GABRG3: variants seen among roughly 807,000 people sequenced by gnomAD.
GABRG3 encodes gamma-aminobutyric acid type A receptor subunit gamma3.
A neutral mutation model predicts 48.8 loss-of-function variants in GABRG3; 25 were observed. The observed-to-expected ratio is 0.51, with a 90% CI of 0.37 to 0.72. GABRG3 has a LOEUF of 0.72. GABRG3 is among the 30% of genes least tolerant of loss of function. The pLI is 0.00. For synonymous variants in GABRG3, 227 were observed against 217.6 expected (o/e 1.04, Z -0.38); for missense variants, 394 against 577.9 (o/e 0.68, Z 3.26).
intron 6 of GABRG3, among the ~76,000 whole-genome samples, chr15:27,494,509 C>T (rs936446264): frequency 1.3e-5 from 2 of 152,052 alleles, no homozygotes; most frequent in African/African-American, 4.8e-5. Context: ...ATTATGAATT[C>T]ACTTTACTTA....
chr15:27,325,220 C>T (rs1893571692), intron 3 of GABRG3, among the ~76,000 whole-genome samples: 1 of 152,186 alleles, frequency 6.6e-6, no homozygotes, highest in East Asian at 1.9e-4. Flanking sequence ...ACACACACAC[C>T]TTCACTGTGT....
chr15:27,530,956 G>A lies in GABRG3; in HGVS notation c.1123-1644G>A, dbSNP rs76385882. On this transcript the variant is annotated intron_variant, in intron 9 of 9. Coordinates refer to ENST00000615808, the MANE Select transcript of GABRG3 (RefSeq NM_033223.5). Reference sequence around the variant, plus strand: ...TCAAAAGGAGGCAGATCCCTTCAATGCAGTGGGGTAGAGGAAGGGAACTGC... The same window carrying A: ...TCAAAAGGAGGCAGATCCCTTCAATACAGTGGGGTAGAGGAAGGGAACTGC... 702 of 321,778 alleles carry A rather than the reference G, an allele frequency of 2.2e-3. 5 individuals are homozygous for A. The highest frequency in any genetic ancestry group is 0.014 in the African/African-American group (644 of 46,018). The allele number at this position is 321,778 out of a possible 1,614,324, so 19.9% of individuals were successfully genotyped here.
intron 3 of GABRG3, among the ~76,000 whole-genome samples, chr15:27,292,685 A>T (rs560563661): frequency 3.0e-4 from 45 of 152,288 alleles, no homozygotes; most frequent in African/African-American, 1.1e-3. Flanking sequence ...AAAAATAATA[A>T]TAATTCACTT....
At chr15:27,437,906 G>A (rs1441025057) in intron 5 of GABRG3, among the ~76,000 whole-genome samples, 3 of 152,146 alleles carry the variant, frequency 2.0e-5, no homozygotes, top group Admixed American at 2.0e-4. Context: ...AAGCAAGAGA[G>A]AGGAGGAGGT....
intron 3 of GABRG3, among the ~76,000 whole-genome samples, chr15:27,211,751 C>T (rs1217329124): frequency 6.6e-6 from 1 of 152,188 alleles, no homozygotes; most frequent in African/African-American, 2.4e-5. Context: ...ATCCTCCCAC[C>T]TAGAATTGTG....
At chr15:27,133,324 C>G (rs1484107868) in intron 3 of GABRG3, among the ~76,000 whole-genome samples, 1 of 152,068 alleles carries the variant, frequency 6.6e-6, no homozygotes, top group Non-Finnish European at 1.5e-5. Flanking sequence ...TGAATTAATA[C>G]CTATGAATGT....
At chr15:27,306,557 A>T (rs1295325045) in intron 3 of GABRG3, among the ~76,000 whole-genome samples, 1 of 48,072 alleles carries the variant, frequency 2.1e-5, no homozygotes, top group African/African-American at 4.6e-5. Flanking sequence ...AAACATATAT[A>T]ATATAAACAT....
intron 5 of GABRG3, among the ~76,000 whole-genome samples, chr15:27,403,914 C>CA (rs528760544): frequency 0.028 from 1,888 of 68,352 alleles, 40 homozygotes; most frequent in African/African-American, 0.067. Context: ...CAAAAAAAAA[C>CA]AAAAAAAAAA....
chr15:27,533,864 T>C lies in GABRG3; in HGVS notation c.*983T>C, dbSNP rs1469888690. The C allele has an allele frequency of 6.6e-6, 1 of 152,154 alleles. No individual in the cohort carries two copies. The highest frequency in any genetic ancestry group is 1.5e-5 in the Non-Finnish European group (1 of 68,028). The allele number at this position is 152,154 out of a possible 1,614,324, so 9.4% of individuals were successfully genotyped here. A position where few individuals can be genotyped will look rare whatever the true frequency, so the allele number is the denominator to read the frequency against. On this transcript the variant is annotated 3_prime_UTR_variant, in exon 10 of 10. Coordinates refer to ENST00000615808, the MANE Select transcript of GABRG3 (RefSeq NM_033223.5). ...ATTTTATTTTTTTGAGACAGAGTCATGCTCTGTCACCTGGCCAGGCTGGAG... is the reference window on the plus strand; with the variant it reads ...ATTTTATTTTTTTGAGACAGAGTCACGCTCTGTCACCTGGCCAGGCTGGAG...
At chr15:27,423,130 T>A (rs1213184560) in intron 5 of GABRG3, among the ~76,000 whole-genome samples, 1 of 145,674 alleles carries the variant, frequency 6.9e-6, no homozygotes, top group African/African-American at 2.6e-5. Flanking sequence ...CTCCCAACAG[T>A]GAAACCCAGT....
At chr15:27,365,968 G>A (rs1895184698) in intron 5 of GABRG3, 1 of 152,174 alleles carries the variant, frequency 6.6e-6, no homozygotes, top group Non-Finnish European at 1.5e-5. Context: ...TACAGATTTT[G>A]ATTTTTCTAG....
chr15:27,271,743 T>C (rs1175587501), intron 3 of GABRG3: 2 of 420,938 alleles, frequency 4.8e-6, no homozygotes, highest in East Asian at 1.4e-4. Context: ...CAATGCACCT[T>C]AGATCAGGAG....
chr15:27,190,613 C>G (rs1888262201), intron 3 of GABRG3, among the ~76,000 whole-genome samples: 1 of 152,072 alleles, frequency 6.6e-6, no homozygotes, highest in African/African-American at 2.4e-5. Flanking sequence ...TTATTCTTCT[C>G]TCTTTTTTTC....
chr15:27,215,498 A>G (rs1194917455), intron 3 of GABRG3, among the ~76,000 whole-genome samples: 1 of 152,134 alleles, frequency 6.6e-6, no homozygotes, highest in Non-Finnish European at 1.5e-5. Flanking sequence ...GCTCTGACCC[A>G]ATTTAGGCTC....
intron 2 of GABRG3, among the ~76,000 whole-genome samples, chr15:26,998,692 G>C (rs1895386003): frequency 6.6e-6 from 1 of 152,182 alleles, no homozygotes; most frequent in Non-Finnish European, 1.5e-5. Context: ...CCCTTCTAGA[G>C]TGAAATCATT....
chr15:27,520,618 T>A (rs1891135389), intron 7 of GABRG3, among the ~76,000 whole-genome samples: 1 of 48,520 alleles, frequency 2.1e-5, no homozygotes, highest in African/African-American at 1.5e-4. Context: ...AGTCTTTTCA[T>A]GAATTTTTCT....
intron 3 of GABRG3, among the ~76,000 whole-genome samples, chr15:27,171,193 C>T (rs2140410749): frequency 6.6e-6 from 1 of 152,280 alleles, no homozygotes; most frequent in East Asian, 1.9e-4. Context: ...ATAGTCTGTA[C>T]ACCTAGTAGG....
intron 3 of GABRG3, among the ~76,000 whole-genome samples, chr15:27,170,721 T>C (rs368016317): frequency 7.9e-5 from 12 of 152,212 alleles, no homozygotes; most frequent in African/African-American, 2.9e-4. Context: ...AGTGGAGGTG[T>C]GTTCCATGGA....
chr15:27,307,173 TA>T (rs1453563186), intron 3 of GABRG3, among the ~76,000 whole-genome samples: 2 of 138,414 alleles, frequency 1.4e-5, no homozygotes, highest in African/African-American at 2.6e-5. Context: ...TGTTTATACA[TA>T]ATATATAAAC....
Sources: allele counts gnomAD v4.1 joint callset (sites outside exome capture counted in the v4.1 genomes callset), GRCh38; gene constraint gnomAD v4.1.1; transcripts MANE v1.5; gene names NCBI Gene and HGNC (gene_info 2026-07-23, HGNC 2026-07-21).